The following KIAA2012 variants were observed in gnomAD, a reference collection of about 807,000 sequenced individuals.
KIAA2012 encodes uncharacterized protein KIAA2012.
In KIAA2012, 125 loss-of-function variants were observed where a neutral mutation model predicts 150.6. That is an observed-to-expected ratio of 0.83 (90% CI 0.72 to 0.96). The LOEUF (loss-of-function observed/expected upper bound fraction) is 0.96. KIAA2012 is among the 40% of genes least tolerant of loss of function. The pLI is 0.00. For missense variants in KIAA2012, 1,219 were observed against 1,354.9 expected, an observed-to-expected ratio of 0.90 and a Z score of 1.57; for synonymous variants, 462 against 504.7, an observed-to-expected ratio of 0.92 and a Z score of 1.13.
chr2:202,125,935 C>CTTTTTT (rs571686717), intron 12 of KIAA2012: 3 of 137,832 alleles, frequency 2.2e-5, no homozygotes, highest in South Asian at 4.6e-5. Context: ...TTCCTGGCTG[C>CTTTTTT]TTTTTTTTTT....
chr2:202,171,111 CTACA>C (rs1691877572), intron 15 of KIAA2012, among the ~76,000 whole-genome samples: 1 of 27,552 alleles, frequency 3.6e-5, no homozygotes, highest in African/African-American at 1.3e-4. Context: ...TAAAGAAATA[CTACA>C]CACACACACA....
At chr2:202,111,340 C>CAAAAAAAAAAA (rs67625607) in intron 10 of KIAA2012, among the ~76,000 whole-genome samples, 3 of 83,780 alleles carry the variant, frequency 3.6e-5, no homozygotes, top group African/African-American at 1.0e-4. Flanking sequence ...ACTAAAAATA[C>CAAAAAAAAAAA]AAAAAAAAAA....
At chr2:202,171,317 G>A (rs796433403) in intron 15 of KIAA2012, among the ~76,000 whole-genome samples, 40 of 152,316 alleles carry the variant, frequency 2.6e-4, no homozygotes, top group African/African-American at 9.4e-4. Context: ...AGGCCAAAGT[G>A]GTCCAGCAGT....
chr2:202,190,477 G>A lies in KIAA2012; in HGVS notation c.2795G>A (p.Cys932Tyr). The A allele has an allele frequency of 6.5e-7, 1 of 1,528,998 alleles. No homozygotes were observed. Among genetic ancestry groups the A allele is most frequent in the South Asian group, 1.2e-5 (1 of 81,146 alleles). 94.7% of individuals were successfully genotyped at this position (1,528,998 alleles called of 1,614,324 possible). ...GNMESKEERR[C>Y]EDPSKALLTK... ...ATGGAATCTAAAGAAGAGAGAAGAT[G>A]TGAGGACCCTTCCAAGGTAGGGTCT... Residue 932 changes from cysteine (C) to tyrosine (Y), a missense_variant, in exon 19 of 24, where the codon TGT becomes TAT. Coordinates refer to ENST00000498697, the MANE Select transcript of KIAA2012 (RefSeq NM_001277372.4).
intron 12 of KIAA2012, chr2:202,137,413 T>C (rs946276163): frequency 6.6e-6 from 1 of 150,538 alleles, no homozygotes; most frequent in African/African-American, 2.5e-5. Flanking sequence ...GCCTCCCAGG[T>C]TCAAGTGATT....
intron 11 of KIAA2012, 26 bp downstream of exon 11, chr2:202,113,472 C>T: frequency 6.9e-7 from 1 of 1,459,718 alleles, no homozygotes; most frequent in Non-Finnish European, 9.2e-7. Context: ...CCAGGGCAGC[C>T]TTGTTTTTTT....
At chr2:202,201,414 A>G (rs956414121) in intron 22 of KIAA2012, 2 of 1,590,112 alleles carry the variant, frequency 1.3e-6, no homozygotes, top group Non-Finnish European at 1.7e-6. Context: ...TGATTCACCC[A>G]TGAAGAAGTT....
chr2:202,196,794 C>A lies in KIAA2012; in HGVS notation c.3188-6C>A. ...TGCTGAGCCCACCCCCTTTTCTATT[C>A]TGCAGAGGCAGAGAAGCAAAGGCAA... On this transcript the variant is annotated splice_polypyrimidine_tract_variant and splice_region_variant and intron_variant, in intron 21 of 23. Transcript: ENST00000498697. The A allele has an allele frequency of 6.5e-7, 1 of 1,550,098 alleles. No homozygotes were observed. Among genetic ancestry groups the A allele is most frequent in the Non-Finnish European group, 8.7e-7 (1 of 1,146,778 alleles).
chr2:202,196,919 G>C lies in KIAA2012; in HGVS notation c.3307G>C (p.Glu1103Gln), dbSNP rs1559235643. The stretch of plus-strand genomic sequence containing the variant: ...CCAGCGGCGGAAACAGGAAGCAGAA[G>C]AGAAGGCTCGGCTGGAGGCAGAGGA... ...EYQRRKQEAEEKARLEAEERR... is the reference protein window; with the variant it reads ...EYQRRKQEAEQKARLEAEERR... The change falls in exon 22 of 24, where the codon GAG becomes CAG. Residue 1103 changes from glutamate (E) to glutamine (Q), a missense_variant. Coordinates refer to ENST00000498697, the MANE Select transcript of KIAA2012 (RefSeq NM_001277372.4). 6.4e-7 allele frequency: 1 copy of C among 1,550,742 alleles called. No homozygotes were observed. Among genetic ancestry groups the C allele is most frequent in the East Asian group, 2.4e-5 (1 of 40,920 alleles).
chr2:202,148,998 G>A (rs1691364085), intron 13 of KIAA2012, among the ~76,000 whole-genome samples: 1 of 152,188 alleles, frequency 6.6e-6, no homozygotes, highest in Non-Finnish European at 1.5e-5. Context: ...GCTGCCATGG[G>A]CAAGGAACAA....
At chr2:202,119,542 T>G (rs1690609972) in intron 11 of KIAA2012, among the ~76,000 whole-genome samples, 1 of 152,204 alleles carries the variant, frequency 6.6e-6, no homozygotes, top group Non-Finnish European at 1.5e-5. Context: ...TTTCTGAGGA[T>G]ACCAGTAAAT....
intron 15 of KIAA2012, chr2:202,178,596 A>G (rs1474267): frequency 0.88 from 134,635 of 152,398 alleles, 59,569 homozygotes; most frequent in African/African-American, 0.9. Flanking sequence ...GAGCAGTGAA[A>G]GTCTTCAGTG....
intron 4 of KIAA2012, among the ~76,000 whole-genome samples, chr2:202,095,543 T>C (rs1046078201): frequency 6.6e-6 from 1 of 152,238 alleles, no homozygotes; most frequent in African/African-American, 2.4e-5. Flanking sequence ...GCCTGAGATA[T>C]AGAGAGACTA....
chr2:202,203,383 ACAATG>A (rs1692567487), intron 23 of KIAA2012, among the ~76,000 whole-genome samples: 1 of 152,268 alleles, frequency 6.6e-6, no homozygotes, highest in Non-Finnish European at 1.5e-5. Flanking sequence ...TCTATTTAGA[ACAATG>A]CATATCTGCA....
chr2:202,194,227 C>CAGG lies in KIAA2012; in HGVS notation c.3064_3066dup (p.Glu1022dup). The CAGG allele has an allele frequency of 6.4e-7, 1 of 1,550,414 alleles. No homozygotes were observed. Among genetic ancestry groups the CAGG allele is most frequent in the Non-Finnish European group, 8.7e-7 (1 of 1,146,926 alleles). On this transcript the variant is annotated inframe_insertion, in exon 21 of 24. Transcript: ENST00000498697. ...GAGACTCCAAGAAGAACAGCAGCGG[C>CAGG]AGGAGGAGGAGGAGAGAAAGCAGCA...
intron 19 of KIAA2012, among the ~76,000 whole-genome samples, chr2:202,192,934 C>T (rs1574316152): frequency 6.6e-6 from 1 of 152,292 alleles, no homozygotes; most frequent in African/African-American, 2.4e-5. Context: ...TTTTTGAAAG[C>T]TCCTTGGGTG....
At chr2:202,189,040 C>A (rs1219816243) in intron 18 of KIAA2012, among the ~76,000 whole-genome samples, 1 of 152,168 alleles carries the variant, frequency 6.6e-6, no homozygotes, top group African/African-American at 2.4e-5. Context: ...TTTGCTTGTT[C>A]ATCTCTTGCT....
Position 202,103,032 on chromosome 2 carries a change from G to A in KIAA2012, c.1242G>A (p.Glu414=). The A allele has an allele frequency of 1.3e-6, 2 of 1,550,482 alleles. No homozygotes were observed. The highest frequency in any genetic ancestry group is 1.7e-6 in the Non-Finnish European group (2 of 1,146,976). The part of the protein sequence containing the change: ...EPLKSQFKAN[E]PPTELFILPV... ...TGAAGAGCCAATTTAAAGCCAATGA[G>A]CCCCCAACAGAGCTCTTCATCTTAC... Residue 414 remains glutamate, a synonymous_variant, in exon 8 of 24, where the codon GAG becomes GAA. Coordinates refer to ENST00000498697, the MANE Select transcript of KIAA2012 (RefSeq NM_001277372.4).
chr2:202,183,265 GA>G (rs1432651263), intron 15 of KIAA2012, among the ~76,000 whole-genome samples: 1 of 151,932 alleles, frequency 6.6e-6, no homozygotes, highest in Non-Finnish European at 1.5e-5. Flanking sequence ...ACGAAAAATA[GA>G]AAAAATTAGC....
Sources: allele counts gnomAD v4.1 joint callset (sites outside exome capture counted in the v4.1 genomes callset), GRCh38; gene constraint gnomAD v4.1.1; transcripts MANE v1.5; gene names NCBI Gene and HGNC (gene_info 2026-07-23, HGNC 2026-07-21).